The following SPATA24 variants were observed in gnomAD, a reference collection of about 807,000 sequenced individuals.
SPATA24 encodes spermatogenesis associated 24, also known as spermatogenesis-associated protein 24.
A neutral mutation model predicts 28.9 loss-of-function variants in SPATA24; 21 were observed. That is an observed-to-expected ratio of 0.73 (90% CI 0.52 to 1.05). The LOEUF (loss-of-function observed/expected upper bound fraction) is 1.05. Ranked by LOEUF, SPATA24 falls within the 50% of genes least tolerant of loss-of-function variation. SPATA24 has a pLI of 0.00. For synonymous variants in SPATA24, 76 were observed against 89.9 expected (o/e 0.85, Z 0.88); for missense variants, 215 against 242.9 (o/e 0.88, Z 0.76).
downstream of SPATA24, chr5:139,396,512 T>C (rs574003108): frequency 2.4e-6 from 3 of 1,240,794 alleles, no homozygotes; most frequent in South Asian, 3.6e-5. Context: ...TCCGGCCCTG[T>C]AGTCAAGTTG....
At chr5:139,396,247 C>T (rs1464394507), downstream of SPATA24, 2 of 985,294 alleles carry the variant, frequency 2.0e-6, no homozygotes, top group East Asian at 2.3e-4. Context: ...AAAAATGTTG[C>T]TGCTCCATCC....
intron 1 of SPATA24, among the ~76,000 whole-genome samples, chr5:139,403,322 AT>A (rs1282642455): frequency 4.6e-5 from 7 of 152,320 alleles, no homozygotes; most frequent in African/African-American, 1.7e-4. Flanking sequence ...AGCCAGTTTT[AT>A]TTCTGAGATG....
chr5:139,401,693 T>C, intron 4 of SPATA24, 62 bp downstream of exon 4: 1 of 1,501,846 alleles, frequency 6.7e-7, no homozygotes, highest in African/African-American at 1.4e-5. Flanking sequence ...ACACAGGCAC[T>C]GGGTGGTTAG....
Position 139,401,915 on chromosome 5 carries a change from G to A in SPATA24, c.314C>T (p.Ala105Val), listed in dbSNP as rs200067820. The A allele has an allele frequency of 6.4e-6, 10 of 1,551,740 alleles. No individual in the cohort carries two copies. The highest frequency in any genetic ancestry group is 2.4e-5 in the East Asian group (1 of 40,910). Residue 105 changes from alanine to valine, a missense_variant and splice_region_variant, in exon 3 of 6, where the codon GCG (alanine) becomes GTG (valine). Transcript: ENST00000450845. ...LEKEKLAFEKALSSVKSKVLQ... is the reference protein window; with the variant it reads ...LEKEKLAFEKVLSSVKSKVLQ... ...ACACCCCGTACTGAGGCCCACTCACGCTTTTTCAAAGGCCAGCTTCTCTTT... is the reference window on the plus strand; with the variant it reads ...ACACCCCGTACTGAGGCCCACTCACACTTTTTCAAAGGCCAGCTTCTCTTT...
downstream of SPATA24, chr5:139,395,182 G>T: frequency 1.6e-6 from 2 of 1,220,332 alleles, no homozygotes; most frequent in Non-Finnish European, 2.1e-6. Flanking sequence ...GGGTCACCGC[G>T]CCTTAAAGCG....
downstream of SPATA24, chr5:139,395,859 G>C (rs761720124): frequency 6.6e-6 from 1 of 152,392 alleles, no homozygotes; most frequent in Non-Finnish European, 1.5e-5. Context: ...AGGAAGCTTC[G>C]AAGTAGCTTG....
chr5:139,393,881 T>C, downstream of SPATA24: 1 of 1,549,622 alleles, frequency 6.5e-7, no homozygotes, highest in Admixed American at 2.0e-5. Flanking sequence ...ACAGCCCCAT[T>C]TGGAGTCTGC....
chr5:139,396,498 G>C (rs1312821030), downstream of SPATA24: 1 of 1,206,030 alleles, frequency 8.3e-7, no homozygotes, highest in South Asian at 1.9e-5. Context: ...TTCTGGTCAG[G>C]GCTTCCGGCC....
downstream of SPATA24, chr5:139,393,193 A>C (rs1561988915): frequency 1.9e-6 from 3 of 1,549,546 alleles, no homozygotes; most frequent in African/African-American, 4.1e-5. Flanking sequence ...GGTCTTCACC[A>C]ACTTGCGCAC....
At chr5:139,395,062 G>T (rs1053471268), downstream of SPATA24, 3 of 1,414,498 alleles carry the variant, frequency 2.1e-6, no homozygotes, top group Middle Eastern at 2.5e-4. Context: ...CAGGGCTGGC[G>T]GGGCGAGCGC....
At chr5:139,392,919 C>A, downstream of SPATA24, 2 of 1,532,046 alleles carry the variant, frequency 1.3e-6, no homozygotes, top group Non-Finnish European at 8.8e-7. This position sits in a 1 kb window ranked among gnomAD's most constrained non-coding sequence, Gnocchi z 5.8. Context: ...CCGTGCTGTT[C>A]TCTGCCCTCC....
Position 139,396,838 on chromosome 5 carries a change from G to C in SPATA24, c.580C>G (p.Arg194Gly), listed in dbSNP as rs369824194. 36 of 1,551,706 alleles carry C rather than the reference G, an allele frequency of 2.3e-5. No individual in the cohort carries two copies. In the African/African-American group the frequency reaches 3.3e-4, roughly 14 times the overall value. ...GGATGCTGGTGGCTGCGGGCCTGACGTGTCCCTGAGGCTTTCTTATGCTTC... is the reference window on the plus strand; with the variant it reads ...GGATGCTGGTGGCTGCGGGCCTGACCTGTCCCTGAGGCTTTCTTATGCTTC... ...DQKHKKASGT[R>G]QARSHQHPRE... Residue 194 changes from arginine to glycine, a missense_variant, in exon 6 of 6, where the codon CGT becomes GGT. By Grantham distance (125) the Arg-to-Gly change is moderately radical. Coordinates refer to ENST00000450845, the MANE Select transcript of SPATA24 (RefSeq NM_194296.2).
chr5:139,392,599 G>A, downstream of SPATA24: 1 of 1,366,274 alleles, frequency 7.3e-7, no homozygotes, highest in Non-Finnish European at 9.4e-7. This position sits in a 1 kb window ranked among gnomAD's most constrained non-coding sequence, Gnocchi z 5.8. Flanking sequence ...GACGGCAGCC[G>A]CGGGCTCGGG....
downstream of SPATA24, chr5:139,393,892 C>T (rs1758643622): frequency 1.9e-6 from 3 of 1,548,564 alleles, no homozygotes; most frequent in African/African-American, 2.8e-5. Context: ...TGGAGTCTGC[C>T]GTGGCGGGGA....
chr5:139,393,398 T>C (rs1018995260), downstream of SPATA24: 14 of 1,551,518 alleles, frequency 9.0e-6, no homozygotes, highest in East Asian at 1.2e-4. Flanking sequence ...GGACTCTGCA[T>C]CTCTGTTGGT....
intron 5 of SPATA24, 27 bp downstream of exon 5, chr5:139,397,014 A>G: frequency 6.4e-7 from 1 of 1,550,786 alleles, no homozygotes; most frequent in Non-Finnish European, 8.7e-7. Flanking sequence ...GTCATCAACA[A>G]CCCCCAGCCG....
downstream of SPATA24, chr5:139,395,767 G>C (rs1320793030): frequency 1.3e-5 from 2 of 152,326 alleles, no homozygotes; most frequent in Admixed American, 1.3e-4. Flanking sequence ...GGACCTATTG[G>C]AAGGAGCTGG....
downstream of SPATA24, chr5:139,393,351 C>A: frequency 6.4e-7 from 1 of 1,551,420 alleles, no homozygotes. Flanking sequence ...ACTGCTGACT[C>A]CCTCCAAAGG....
downstream of SPATA24, chr5:139,393,407 G>A: frequency 6.4e-7 from 1 of 1,551,704 alleles, no homozygotes; most frequent in Non-Finnish European, 8.7e-7. Context: ...ATCTCTGTTG[G>A]TTCTGGAGTG....
Sources: allele counts gnomAD v4.1 joint callset (sites outside exome capture counted in the v4.1 genomes callset), GRCh38; gene constraint gnomAD v4.1.1; non-coding constraint Gnocchi (gnomAD v3.1); transcripts MANE v1.5; gene names NCBI Gene and HGNC (gene_info 2026-07-23, HGNC 2026-07-21).